The following SLC22A23 variants were observed in gnomAD, a reference collection of about 807,000 sequenced individuals.
The protein encoded by SLC22A23 is solute carrier family 22 member 23.
In SLC22A23, 26 loss-of-function variants were observed where a neutral mutation model predicts 61.0. The observed-to-expected ratio is 0.43, with a 90% CI of 0.31 to 0.59. The LOEUF (loss-of-function observed/expected upper bound fraction) is 0.59, where lower values mean the gene tolerates loss of function less well. Among genes scored for constraint, SLC22A23 ranks in the 20% least tolerant of loss-of-function variants. SLC22A23 has a pLI of 0.11. For missense variants in SLC22A23, 796 were observed against 934.7 expected, an observed-to-expected ratio of 0.85 and a Z score of 1.94; for synonymous variants, 430 against 413.9, an observed-to-expected ratio of 1.04 and a Z score of -0.47.
chr6:3,388,287 A>G (rs774984309), intron 3 of SLC22A23, among the ~76,000 whole-genome samples: 1 of 151,716 alleles, frequency 6.6e-6, no homozygotes, highest in African/African-American at 2.4e-5. Flanking sequence ...GCAGAAATGC[A>G]ATAAAATGCA....
intron 7 of SLC22A23, among the ~76,000 whole-genome samples, 183 bp from the exon 8 acceptor site, chr6:3,285,294 C>T (rs1016794646): frequency 2.6e-5 from 4 of 152,238 alleles, no homozygotes; most frequent in Non-Finnish European, 5.9e-5. Flanking sequence ...CTGCGCTAAA[C>T]AAAGATCTTT....
At chr6:3,284,022 G>C in intron 8 of SLC22A23, 47 bp from the exon 9 acceptor site, 3 of 1,565,038 alleles carry the variant, frequency 1.9e-6, no homozygotes, top group African/African-American at 2.7e-5. Flanking sequence ...AGGAAGCCAG[G>C]CCAGGGTGGG....
chr6:3,282,561 A>T (rs1759567624), intron 9 of SLC22A23, among the ~76,000 whole-genome samples: 1 of 152,238 alleles, frequency 6.6e-6, no homozygotes, highest in South Asian at 2.1e-4. Context: ...GCCTCCACAT[A>T]GTCTGCCTTG....
At position 3,342,936 on chromosome 6, in the gene SLC22A23, TCAAGAGA is replaced by T. The variant is rs1764231630; in HGVS notation, c.914-18941_914-18935del. 6.6e-6 allele frequency among the ~76,000 whole-genome samples: 1 copy of T among 152,130 alleles called. No individual in the cohort carries two copies. Among genetic ancestry groups the T allele is most frequent in the Non-Finnish European group, 1.5e-5 (1 of 68,026 alleles). ...CTAATGCAGGGAAGGGGTTAGGATT[TCAAGAGA>T]CAAGAAATAGTGGGAAATGACAGAG... On this transcript the variant is annotated intron_variant, in intron 3 of 9. Coordinates refer to ENST00000406686, the MANE Select transcript of SLC22A23 (RefSeq NM_015482.2). This position sits in a 1 kb window ranked among gnomAD's most constrained non-coding sequence, Gnocchi z 4.0.
intron 3 of SLC22A23, among the ~76,000 whole-genome samples, chr6:3,356,719 T>G (rs1765129910): frequency 6.6e-6 from 1 of 152,198 alleles, no homozygotes; most frequent in South Asian, 2.1e-4. Context: ...CCTCCAGGTC[T>G]TGAAACCTGC....
intron 1 of SLC22A23, among the ~76,000 whole-genome samples, chr6:3,448,335 G>A (rs1772012176): frequency 6.6e-6 from 1 of 152,120 alleles, no homozygotes; most frequent in Admixed American, 6.5e-5. Flanking sequence ...TCCCACCATG[G>A]TGAATTTCAA....
chr6:3,447,255 C>T (rs983023328), intron 1 of SLC22A23, among the ~76,000 whole-genome samples: 1 of 152,206 alleles, frequency 6.6e-6, no homozygotes, highest in Non-Finnish European at 1.5e-5. Context: ...CACATCTCTC[C>T]TCTTTTGCCT....
chr6:3,415,755 T>C lies in SLC22A23; in HGVS notation c.755A>G (p.Asp252Gly). The change falls in exon 2 of 10, where the codon GAC becomes GGC. Residue 252 changes from aspartate (D) to glycine (G), a missense_variant. Transcript: ENST00000406686. ...CGGCGGGCATGTTGGTACTCACCAGTCAGCAATGCATCCAGTTATTAGGTA... is the reference window on the plus strand; with the variant it reads ...CGGCGGGCATGTTGGTACTCACCAGCCAGCAATGCATCCAGTTATTAGGTA... ...FGYLITGCIA[D>G]WVGRRPVLLF... 1 of 1,550,630 alleles carries C rather than the reference T, an allele frequency of 6.4e-7. No individual in the cohort carries two copies. Among genetic ancestry groups the C allele is most frequent in the Non-Finnish European group, 8.7e-7 (1 of 1,145,968 alleles).
chr6:3,313,163 C>A (rs1434382179), intron 4 of SLC22A23: 2 of 152,192 alleles, frequency 1.3e-5, no homozygotes, highest in African/African-American at 4.8e-5. Flanking sequence ...TGTCTGAGGG[C>A]TCCCTAAACT....
intron 3 of SLC22A23, among the ~76,000 whole-genome samples, chr6:3,371,433 A>AT (rs1019578105): frequency 6.6e-5 from 10 of 152,092 alleles, no homozygotes; most frequent in Non-Finnish European, 1.3e-4. Flanking sequence ...TGAGCTTTTG[A>AT]TTTTTTTTCT....
intron 3 of SLC22A23, among the ~76,000 whole-genome samples, chr6:3,353,579 CA>C (rs2127437284): frequency 6.6e-6 from 1 of 152,290 alleles, no homozygotes; most frequent in East Asian, 1.9e-4. Context: ...AGTTCAGCTG[CA>C]AATCACAAGA....
chr6:3,363,607 T>C (rs9503557), intron 3 of SLC22A23, among the ~76,000 whole-genome samples: 106,893 of 152,254 alleles, frequency 0.7, 37,762 homozygotes, highest in East Asian at 0.84. Flanking sequence ...CAAACTAGGA[T>C]GTGGCACCTT....
rs1041562171 is a variant in SLC22A23, at chr6:3,317,194, A to G, written c.1082+6640T>C. Among the ~76,000 whole-genome samples, 4 of 152,120 alleles carry G rather than the reference A, an allele frequency of 2.6e-5. No individual in the cohort carries two copies. Among genetic ancestry groups the G allele is most frequent in the Non-Finnish European group, 5.9e-5 (4 of 68,026 alleles). ...CCACGTATTACCTTCCTGATCTTCC[A>G]TGCTGCGGTTTTCTAGGATGTTCTA... On this transcript the variant is annotated intron_variant, in intron 4 of 9. Coordinates refer to ENST00000406686, the MANE Select transcript of SLC22A23 (RefSeq NM_015482.2). The surrounding 1 kb of genome is among the most constrained non-coding windows in gnomAD (Gnocchi z 4.4).
chr6:3,383,899 TA>T (rs1374783188), intron 3 of SLC22A23, among the ~76,000 whole-genome samples: 2 of 152,106 alleles, frequency 1.3e-5, no homozygotes, highest in Non-Finnish European at 2.9e-5. Context: ...TGGTATGGAG[TA>T]AAGTGACATG....
intron 3 of SLC22A23, among the ~76,000 whole-genome samples, chr6:3,401,997 G>A (rs1768425029): frequency 1.3e-5 from 2 of 152,178 alleles, no homozygotes; most frequent in East Asian, 1.9e-4. Flanking sequence ...ACAGGATTTG[G>A]AATCAGAGTA....
intron 3 of SLC22A23, among the ~76,000 whole-genome samples, chr6:3,344,525 T>C (rs771036789): frequency 4.6e-5 from 7 of 152,198 alleles, no homozygotes; most frequent in South Asian, 4.1e-4. Flanking sequence ...GTTAAGAACC[T>C]GGGCTCTGGG....
intron 3 of SLC22A23, among the ~76,000 whole-genome samples, chr6:3,384,628 A>G (rs1439649046): frequency 6.6e-6 from 1 of 152,238 alleles, no homozygotes; most frequent in East Asian, 1.9e-4. Context: ...AAAAATGTCA[A>G]TAAAAACTTT....
rs1761195043 is a variant in SLC22A23, at chr6:3,297,307, G to C, written c.1210+784C>G. ...ATGGCCTGGAGGTTATTTTCCCAGG[G>C]AATTTTATAGCAACAATTTATCCCA... On this transcript the variant is annotated intron_variant, in intron 5 of 9. Transcript: ENST00000406686. The surrounding 1 kb of genome is among the most constrained non-coding windows in gnomAD (Gnocchi z 4.3). 6.6e-6 allele frequency among the ~76,000 whole-genome samples: 1 copy of C among 152,206 alleles called. No homozygotes were observed. The highest frequency in any genetic ancestry group is 2.4e-5 in the African/African-American group (1 of 41,450).
intron 1 of SLC22A23, among the ~76,000 whole-genome samples, chr6:3,438,970 C>T (rs760646939): frequency 1.3e-5 from 2 of 152,234 alleles, no homozygotes; most frequent in African/African-American, 2.4e-5. Context: ...CCCACTGTCC[C>T]ACCCCACAGG....
Sources: gnomAD v4.1 joint callset for allele counts (sites outside exome capture counted in the v4.1 genomes callset) on GRCh38, gnomAD v4.1.1 for gene constraint, Gnocchi (gnomAD v3.1) non-coding constraint, MANE v1.5 for transcripts, NCBI Gene and HGNC (gene_info 2026-07-23, HGNC 2026-07-21) for gene names.